Variants in UGT1A9 observed in about 807,000 individuals in gnomAD.
The protein encoded by UGT1A9 is UDP glucuronosyltransferase family 1 member A9, also known as UDP-glucuronosyltransferase 1A9.
Under a neutral mutation model 45.0 loss-of-function variants are expected in UGT1A9, and 35 were observed. The ratio of observed to expected loss-of-function variants is 0.78; its 90% CI spans 0.59 to 1.03. The LOEUF is 1.03. Ranked by LOEUF, UGT1A9 falls within the 50% of genes least tolerant of loss-of-function variation. The pLI, the probability that UGT1A9 is intolerant of heterozygous loss-of-function variation, is 0.00. For synonymous variants in UGT1A9, 278 were observed against 250.6 expected (o/e 1.11, Z -1.03); for missense variants, 687 against 666.6 (o/e 1.03, Z -0.34).
Position 233,772,766 on chromosome 2 carries a change from C to G in UGT1A9, c.*207C>G. The stretch of plus-strand genomic sequence containing the variant: ...AGATATTTGAATATGTATCGTGCCC[C>G]CTCTGGTGTCTTTGATCAGGATGAC... On this transcript the variant is annotated 3_prime_UTR_variant, in exon 5 of 5. Transcript: ENST00000354728. 1 of 1,374,588 alleles carries G rather than the reference C, an allele frequency of 7.3e-7. No homozygotes were observed. Among genetic ancestry groups the G allele is most frequent in the Non-Finnish European group, 9.5e-7 (1 of 1,047,350 alleles). 85.1% of individuals were successfully genotyped at this position (1,374,588 alleles called of 1,614,324 possible).
At chr2:233,700,286 G>A (rs758279601) in intron 1 of UGT1A9, among the ~76,000 whole-genome samples, 17 of 152,194 alleles carry the variant, frequency 1.1e-4, no homozygotes, top group Admixed American at 7.9e-4. Flanking sequence ...TTTAAAATAC[G>A]TGACTTAGGC....
chr2:233,762,045 A>G (rs187851388), intron 1 of UGT1A9, among the ~76,000 whole-genome samples: 1 of 151,958 alleles, frequency 6.6e-6, no homozygotes, highest in African/African-American at 2.4e-5. Flanking sequence ...TTTTCTGTGC[A>G]TTTTCCTTCA....
intron 1 of UGT1A9, among the ~76,000 whole-genome samples, chr2:233,738,179 C>T (rs577754213): frequency 2.6e-5 from 4 of 152,258 alleles, no homozygotes; most frequent in African/African-American, 4.8e-5. Context: ...TCATGTAAGA[C>T]GTGTCTTTGC....
At chr2:233,719,614 A>C in intron 1 of UGT1A9, 3 of 1,613,882 alleles carry the variant, frequency 1.9e-6, no homozygotes, top group Non-Finnish European at 2.5e-6. Context: ...GTGATGGACT[A>C]CCCCAGGCCG....
intron 1 of UGT1A9, among the ~76,000 whole-genome samples, chr2:233,748,288 C>A (rs1342062213): frequency 1.3e-5 from 2 of 151,844 alleles, no homozygotes; most frequent in South Asian, 2.1e-4. Flanking sequence ...AAGAGGCAGA[C>A]ATGAATGTTT....
chr2:233,672,167 C>A lies in UGT1A9; in HGVS notation c.233C>A (p.Ser78Ter). The A allele has an allele frequency of 6.2e-7, 1 of 1,614,204 alleles. No homozygotes were observed. Among genetic ancestry groups the A allele is most frequent in the Non-Finnish European group, 8.5e-7 (1 of 1,180,022 alleles). ...CTGAATTGCACAGTGAAGACTTATT[C>A]AACTTCATATACCCTGGAGGATCTG... ...RSLNCTVKTY[S>*]TSYTLEDLDR... The change falls in exon 1 of 5, where the codon TCA (serine) becomes TAA (stop). Residue 78 changes from serine to a stop codon, truncating the protein, a stop_gained. Transcript: ENST00000354728. LOFTEE classifies it high-confidence loss of function.
In UGT1A9 at chr2:233,713,193, T is replaced by C. The variant is rs143484996; in HGVS notation, c.855+40404T>C. The C allele has an allele frequency of 2.6e-4, 422 of 1,614,210 alleles. 1 individual carries two copies. Among genetic ancestry groups the C allele is most frequent in the African/African-American group, 1.1e-3 (82 of 75,064 alleles). ...GGTCCTCACCCTGGAGGTGAATATG[T>C]ACATCAAAGAAGAGAACTTTTTCAC... On this transcript the variant is annotated intron_variant, in intron 1 of 4. Coordinates refer to ENST00000354728, the MANE Select transcript of UGT1A9 (RefSeq NM_021027.3).
chr2:233,699,544 A>C (rs1031382585), intron 1 of UGT1A9, among the ~76,000 whole-genome samples: 9 of 152,228 alleles, frequency 5.9e-5, no homozygotes, highest in Non-Finnish European at 1.2e-4. Context: ...TTCACATCAT[A>C]GAGCCAGGTC....
Position 233,729,530 on chromosome 2 carries a change from A to G in UGT1A9, c.856-37504A>G, listed in dbSNP as rs372837189. The G allele has an allele frequency of 5.6e-6, 9 of 1,614,100 alleles. No individual in the cohort carries two copies. Among genetic ancestry groups the G allele is most frequent in the African/African-American group, 1.3e-5 (1 of 74,922 alleles). On this transcript the variant is annotated intron_variant, in intron 1 of 4. Transcript: ENST00000354728. ...TCTTGTGTGGAGCTACTACATAATGAGGCCCTGATCAGGCACCTGAATGCT... is the reference window on the plus strand; with the variant it reads ...TCTTGTGTGGAGCTACTACATAATGGGGCCCTGATCAGGCACCTGAATGCT...
chr2:233,733,661 T>A (rs1200789776), intron 1 of UGT1A9, among the ~76,000 whole-genome samples: 1 of 152,240 alleles, frequency 6.6e-6, no homozygotes, highest in Non-Finnish European at 1.5e-5. Context: ...GAAGCCGACT[T>A]GATCGATGTG....
intron 1 of UGT1A9, among the ~76,000 whole-genome samples, chr2:233,695,902 GT>G (rs144527865): frequency 5.9e-5 from 9 of 151,998 alleles, no homozygotes; most frequent in African/African-American, 1.2e-4. Flanking sequence ...AATGTGTGGG[GT>G]TTTTTTTCTC....
At chr2:233,768,519 GC>G (rs1699633874) in intron 4 of UGT1A9, 80 bp downstream of exon 4, 1 of 1,531,284 alleles carries the variant, frequency 6.5e-7, no homozygotes, top group East Asian at 2.5e-5. Flanking sequence ...CATTTACGTA[GC>G]ATTTAATAGC....
In UGT1A9 at chr2:233,772,876, C is replaced by T. The variant is rs906785821; in HGVS notation, c.*317C>T. The T allele has an allele frequency of 2.8e-5, 17 of 598,574 alleles. No homozygotes were observed. The highest frequency in any genetic ancestry group is 1.0e-4 in the East Asian group (2 of 19,556). 37.1% of individuals were successfully genotyped at this position (598,574 alleles called of 1,614,324 possible). ...CTGAAACATGGCCTGTTTGGGAGTG[C>T]GGGATTCAAAGGTGGTCCCACGGCT... On this transcript the variant is annotated 3_prime_UTR_variant, in exon 5 of 5. Coordinates refer to ENST00000354728, the MANE Select transcript of UGT1A9 (RefSeq NM_021027.3).
intron 1 of UGT1A9, chr2:233,747,175 C>T (rs1385775895): frequency 1.8e-5 from 28 of 1,599,104 alleles, no homozygotes; most frequent in South Asian, 8.9e-5. Context: ...GGAGGCACAG[C>T]GTGGGGTGGA....
intron 1 of UGT1A9, among the ~76,000 whole-genome samples, chr2:233,684,334 A>T (rs2074675170): frequency 6.6e-6 from 1 of 152,198 alleles, no homozygotes; most frequent in Admixed American, 6.5e-5. Flanking sequence ...GGACGCTAAG[A>T]GGATAGACTT....
At position 233,744,023 on chromosome 2, in the gene UGT1A9, C is replaced by T. The variant is rs374542514; in HGVS notation, c.856-23011C>T. 1.7e-4 allele frequency: 161 copies of T among 963,346 alleles called. 1 individual carries two copies. In the Middle Eastern group the frequency reaches 2.6e-3, roughly 15 times the overall value. The allele number at this position is 963,346 out of a possible 1,614,324, so 59.7% of individuals were successfully genotyped here. On this transcript the variant is annotated intron_variant, in intron 1 of 4. Coordinates refer to ENST00000354728, the MANE Select transcript of UGT1A9 (RefSeq NM_021027.3). ...CGGAGACCTGGGCCGCCTGGAGAGA[C>T]GCCCCTTATGACGCAGCCACATCTC...
chr2:233,728,942 G>A (rs1352391275), intron 1 of UGT1A9, among the ~76,000 whole-genome samples: 1 of 147,948 alleles, frequency 6.8e-6, no homozygotes, highest in Non-Finnish European at 1.5e-5. Flanking sequence ...CTTTTCCAGG[G>A]TGGGGCCCAC....
chr2:233,739,933 AAGGTTGGTACC>A (rs1221573721), intron 1 of UGT1A9, among the ~76,000 whole-genome samples: 1 of 151,674 alleles, frequency 6.6e-6, no homozygotes, highest in Non-Finnish European at 1.5e-5. Context: ...CCCATGTGTT[AAGGTTGGTACC>A]TGGTGGGAGC....
In UGT1A9 at chr2:233,767,872, C is replaced by A. The variant is rs997427896; in HGVS notation, c.1011C>A (p.Thr337=). The A allele has an allele frequency of 6.2e-7, 1 of 1,614,024 alleles. No individual in the cohort carries two copies. The highest frequency in any genetic ancestry group is 8.5e-7 in the Non-Finnish European group (1 of 1,180,044). The change falls in exon 3 of 5, where the codon ACC becomes ACA. Residue 337 remains threonine (T), a synonymous_variant. Coordinates refer to ENST00000354728, the MANE Select transcript of UGT1A9 (RefSeq NM_021027.3). ...PQTVLWRYTG[T]RPSNLANNTI... is the part of the protein sequence containing the mutation. Reference sequence around the variant, plus strand: ...AGGTCCTGTGGCGGTACACTGGAACCCGACCATCGAATCTTGCGAACAACA... The same window carrying A: ...AGGTCCTGTGGCGGTACACTGGAACACGACCATCGAATCTTGCGAACAACA...
Sources: gnomAD v4.1 joint callset for allele counts (sites outside exome capture counted in the v4.1 genomes callset) on GRCh38, gnomAD v4.1.1 for gene constraint, MANE v1.5 for transcripts, NCBI Gene and HGNC (gene_info 2026-07-23, HGNC 2026-07-21) for gene names.